ASTN2: variants seen among roughly 807,000 people sequenced by gnomAD.
ASTN2 encodes astrotactin 2, also known as astrotactin-2.
In ASTN2, 54 loss-of-function variants were observed where a neutral mutation model predicts 139.8. The ratio of observed to expected loss-of-function variants is 0.39; its 90% CI spans 0.31 to 0.48. ASTN2 has a LOEUF of 0.48. Ranked by LOEUF, ASTN2 falls within the 20% of genes least tolerant of loss-of-function variation. ASTN2 has a pLI of 0.95. For synonymous variants in ASTN2, 756 were observed against 719.5 expected, an observed-to-expected ratio of 1.05 and a Z score of -0.81; for missense variants, 1,565 against 1,725.1, an observed-to-expected ratio of 0.91 and a Z score of 1.64.
At chr9:117,407,382 A>T (rs562985285) in intron 1 of ASTN2, among the ~76,000 whole-genome samples, 1 of 152,202 alleles carries the variant, frequency 6.6e-6, no homozygotes, top group African/African-American at 2.4e-5. Context: ...GATGGATTAG[A>T]GGGGATAAGA....
chr9:117,401,096 AC>A (rs1830816164), intron 1 of ASTN2, among the ~76,000 whole-genome samples: 1 of 152,154 alleles, frequency 6.6e-6, no homozygotes, highest in Admixed American at 6.5e-5. Flanking sequence ...TACTTTATAA[AC>A]TTTAGCTCCT....
chr9:117,156,995 T>A (rs1293860575), intron 3 of ASTN2, among the ~76,000 whole-genome samples: 1 of 151,954 alleles, frequency 6.6e-6, no homozygotes, highest in Non-Finnish European at 1.5e-5. Context: ...CACACAGACA[T>A]ACAGACATAC....
chr9:116,504,914 A>AAAAC (rs3040260), intron 19 of ASTN2, among the ~76,000 whole-genome samples: 28 of 148,680 alleles, frequency 1.9e-4, no homozygotes, highest in Admixed American at 4.7e-4. Context: ...AAAAAAAAAA[A>AAAAC]CCCAAAACAA....
chr9:116,601,938 T>C (rs1349864443), intron 19 of ASTN2, among the ~76,000 whole-genome samples: 2 of 151,964 alleles, frequency 1.3e-5, no homozygotes, highest in Non-Finnish European at 2.9e-5. Context: ...GAAAAGATTA[T>C]ACAGGACCAA....
chr9:116,787,277 C>T (rs191023010), intron 13 of ASTN2, among the ~76,000 whole-genome samples: 9 of 152,342 alleles, frequency 5.9e-5, no homozygotes, highest in Admixed American at 3.3e-4. Flanking sequence ...AGATCCCTGA[C>T]CTGCCTTTTC....
At chr9:117,066,175 C>G (rs1257327114) in intron 5 of ASTN2, among the ~76,000 whole-genome samples, 7 of 108,728 alleles carry the variant, frequency 6.4e-5, no homozygotes, top group East Asian at 3.1e-4. Context: ...CCCCTCCCCC[C>G]ACCCCACCAC....
At chr9:117,339,497 A>G (rs977180414) in intron 1 of ASTN2, among the ~76,000 whole-genome samples, 1 of 152,174 alleles carries the variant, frequency 6.6e-6, no homozygotes, top group Non-Finnish European at 1.5e-5. Context: ...TGTCTTTACA[A>G]AAGCCAAAAA....
intron 2 of ASTN2, among the ~76,000 whole-genome samples, chr9:117,268,429 G>A (rs1257291644): frequency 6.6e-6 from 1 of 152,106 alleles, no homozygotes; most frequent in Non-Finnish European, 1.5e-5. Flanking sequence ...CAAATCCAAG[G>A]CCTGAACCAA....
At chr9:117,156,366 G>A (rs1830433744) in intron 3 of ASTN2, among the ~76,000 whole-genome samples, 1 of 151,980 alleles carries the variant, frequency 6.6e-6, no homozygotes, top group African/African-American at 2.4e-5. Context: ...AGAGATTAAG[G>A]CTCTTGACTA....
At chr9:116,875,975 A>G (rs1436122680) in intron 10 of ASTN2, among the ~76,000 whole-genome samples, 1 of 152,236 alleles carries the variant, frequency 6.6e-6, no homozygotes, top group Non-Finnish European at 1.5e-5. Context: ...CCATGCATGA[A>G]GAAGTAATTT....
intron 10 of ASTN2, among the ~76,000 whole-genome samples, chr9:116,873,511 A>G (rs1317024627): frequency 2.1e-5 from 3 of 145,262 alleles, no homozygotes; most frequent in African/African-American, 7.7e-5. Flanking sequence ...GTACAATATC[A>G]TGGTGATAAC....
In ASTN2 at chr9:117,414,600, G is replaced by A. The variant is rs752437663; in HGVS notation, c.339C>T (p.Thr113=). Residue 113 remains threonine, a synonymous_variant, in exon 1 of 23, where the codon ACC becomes ACT. Coordinates refer to ENST00000313400, the MANE Select transcript of ASTN2 (RefSeq NM_001365068.1). This position sits in a 1 kb window ranked among gnomAD's most constrained non-coding sequence, Gnocchi z 4.2. ...ASPGSPGSAG[T]AAESRLLLFV... ...AGAGCAGGAGGCGCGACTCGGCGGC[G>A]GTGCCGGCAGAGCCAGGAGAGCCCG... is the stretch of plus-strand genomic sequence containing the variant. 9 of 1,572,188 alleles carry A rather than the reference G, an allele frequency of 5.7e-6. No homozygotes were observed. The highest frequency in any genetic ancestry group is 5.6e-5 in the African/African-American group (4 of 71,194).
intron 3 of ASTN2, among the ~76,000 whole-genome samples, chr9:117,156,326 T>G (rs1348326840): frequency 6.6e-6 from 1 of 152,074 alleles, no homozygotes; most frequent in Non-Finnish European, 1.5e-5. Flanking sequence ...TTTATAACTC[T>G]CTTTAACAGA....
intron 3 of ASTN2, among the ~76,000 whole-genome samples, chr9:117,195,619 G>A (rs568553001): frequency 4.6e-5 from 7 of 152,260 alleles, no homozygotes; most frequent in African/African-American, 1.7e-4. Flanking sequence ...TGGAAACTTA[G>A]GCTAGAGCCT....
At chr9:117,298,019 C>T (rs1421182938) in intron 1 of ASTN2, among the ~76,000 whole-genome samples, 2 of 152,208 alleles carry the variant, frequency 1.3e-5, no homozygotes, top group Admixed American at 6.5e-5. Context: ...GGTATCCCTA[C>T]CTTCGGGCTT....
At chr9:117,282,405 C>T (rs1310664027) in intron 2 of ASTN2, among the ~76,000 whole-genome samples, 1 of 152,212 alleles carries the variant, frequency 6.6e-6, no homozygotes, top group African/African-American at 2.4e-5. Context: ...TTGCCATCTC[C>T]AAGATACCCT....
intron 3 of ASTN2, among the ~76,000 whole-genome samples, chr9:117,209,236 C>A (rs542572619): frequency 6.6e-6 from 1 of 152,022 alleles, no homozygotes; most frequent in Non-Finnish European, 1.5e-5. Context: ...GAACTAAATT[C>A]CCCATTAAGA....
rs185214528 is a variant in ASTN2, at chr9:116,425,125, T to C, written c.*726A>G. On this transcript the variant is annotated 3_prime_UTR_variant, in exon 23 of 23. Coordinates refer to ENST00000313400, the MANE Select transcript of ASTN2 (RefSeq NM_001365068.1). ...GGGAAGGAAGCTTCTCTGTCTTTAGTTGCATATGCTCTGTGACTGGCACAG... is the reference window on the plus strand; with the variant it reads ...GGGAAGGAAGCTTCTCTGTCTTTAGCTGCATATGCTCTGTGACTGGCACAG... 1.2e-5 allele frequency: 2 copies of C among 170,260 alleles called. No homozygotes were observed. Among genetic ancestry groups the C allele is most frequent in the African/African-American group, 4.8e-5 (2 of 41,708 alleles). The allele number at this position is 170,260 out of a possible 1,614,324, so 10.5% of individuals were successfully genotyped here.
intron 19 of ASTN2, among the ~76,000 whole-genome samples, chr9:116,506,651 C>A (rs1402290563): frequency 1.3e-5 from 2 of 152,144 alleles, no homozygotes; most frequent in East Asian, 3.9e-4. Flanking sequence ...GGGAGGAGGG[C>A]AGGAAGGGGA....
Sources: gnomAD v4.1 joint callset for allele counts (sites outside exome capture counted in the v4.1 genomes callset) on GRCh38, gnomAD v4.1.1 for gene constraint, Gnocchi (gnomAD v3.1) non-coding constraint, MANE v1.5 for transcripts, NCBI Gene and HGNC (gene_info 2026-07-23, HGNC 2026-07-21) for gene names.